ADAMTS20: variants seen among roughly 807,000 people sequenced by gnomAD.
ADAMTS20 encodes the protein A disintegrin and metalloproteinase with thrombospondin motifs 20.
ADAMTS20 carries 225 observed loss-of-function variants against 260.1 expected under a neutral mutation model. That is an observed-to-expected ratio of 0.87 (90% CI 0.78 to 0.97). ADAMTS20 has a LOEUF of 0.97. Ranked by LOEUF, ADAMTS20 falls within the 50% of genes least tolerant of loss-of-function variation. The pLI is 0.00. For synonymous variants in ADAMTS20, 802 were observed against 769.5 expected (o/e 1.04, Z -0.70); for missense variants, 2,400 against 2,337.7 (o/e 1.03, Z -0.55).
intron 7 of ADAMTS20, among the ~76,000 whole-genome samples, chr12:43,479,191 CTAT>C (rs1282510067): frequency 6.6e-6 from 1 of 152,160 alleles, no homozygotes; most frequent in Non-Finnish European, 1.5e-5. Context: ...GTAAAAGGTT[CTAT>C]TCACTAAACT....
At position 43,474,408 on chromosome 12, in the gene ADAMTS20, G is replaced by C. The variant is rs1942316242; in HGVS notation, c.1118-5703C>G. Among the ~76,000 whole-genome samples the C allele has an allele frequency of 2.7e-5, 4 of 150,868 alleles. 1 individual carries two copies. In the South Asian group the frequency reaches 8.4e-4, roughly 32 times the overall value. On this transcript the variant is annotated intron_variant, in intron 7 of 38. Coordinates refer to ENST00000389420, the MANE Select transcript of ADAMTS20 (RefSeq NM_025003.5). ...GATTCACAGCCGAATTCTACCAAAG[G>C]TACAAGGAGGAACTGGTACCATTCC...
chr12:43,393,842 G>T (rs1359577009), intron 29 of ADAMTS20, among the ~76,000 whole-genome samples: 1 of 152,008 alleles, frequency 6.6e-6, no homozygotes, highest in Non-Finnish European at 1.5e-5. Flanking sequence ...AATAATGAAT[G>T]AGTGACCATA....
intron 28 of ADAMTS20, among the ~76,000 whole-genome samples, chr12:43,401,504 C>G (rs113082070): frequency 1.3e-5 from 2 of 151,774 alleles, no homozygotes; most frequent in African/African-American, 4.8e-5. Flanking sequence ...GGAATATAAA[C>G]TCACACATGT....
chr12:43,416,321 T>C (rs997969019), intron 28 of ADAMTS20, among the ~76,000 whole-genome samples: 4 of 151,364 alleles, frequency 2.6e-5, no homozygotes, highest in Admixed American at 6.6e-5. Context: ...CCACTAATCT[T>C]CTCAAGACAC....
intron 31 of ADAMTS20, among the ~76,000 whole-genome samples, chr12:43,381,503 C>T (rs1244629569): frequency 1.3e-5 from 2 of 151,708 alleles, no homozygotes; most frequent in Non-Finnish European, 2.9e-5. Flanking sequence ...AAATGAGCAG[C>T]CAGGCATGGT....
intron 2 of ADAMTS20, among the ~76,000 whole-genome samples, chr12:43,534,639 A>G (rs1455309272): frequency 6.6e-6 from 1 of 152,192 alleles, no homozygotes; most frequent in Non-Finnish European, 1.5e-5. Context: ...CCTTGAGGTT[A>G]TAAACAAACA....
At chr12:43,548,181 A>C (rs1487965158) in intron 2 of ADAMTS20, among the ~76,000 whole-genome samples, 1 of 152,208 alleles carries the variant, frequency 6.6e-6, no homozygotes, top group Non-Finnish European at 1.5e-5. Context: ...AAGCAAAACT[A>C]AAGTAAAGCA....
chr12:43,391,674 T>C (rs1369041382), intron 29 of ADAMTS20, among the ~76,000 whole-genome samples: 2 of 152,134 alleles, frequency 1.3e-5, no homozygotes, highest in East Asian at 1.9e-4. Context: ...ACTGTAATAT[T>C]ATAAGGGGGA....
At chr12:43,463,432 G>T (rs927460561) in intron 10 of ADAMTS20, among the ~76,000 whole-genome samples, 4 of 152,014 alleles carry the variant, frequency 2.6e-5, no homozygotes, top group Non-Finnish European at 5.9e-5. Flanking sequence ...TTCCTATTTT[G>T]TGAATATAAT....
chr12:43,358,836 CAA>C (rs151206551), intron 37 of ADAMTS20, among the ~76,000 whole-genome samples: 5 of 61,224 alleles, frequency 8.2e-5, no homozygotes, highest in East Asian at 5.3e-4. Context: ...AACTCCGTCT[CAA>C]AAAAAAAAAA....
intron 31 of ADAMTS20, among the ~76,000 whole-genome samples, chr12:43,382,602 A>C (rs1940378067): frequency 6.6e-6 from 1 of 152,154 alleles, no homozygotes; most frequent in African/African-American, 2.4e-5. Flanking sequence ...AAATTCGCTA[A>C]ATTATAAACA....
rs182130307 is a variant in ADAMTS20, at chr12:43,527,865, G to A, written c.613+4171C>T. ...CAATCAGGCAAGAGAAAGAAATAAA[G>A]GGCATCCAAATTGGAAAAGAGGAAG... On this transcript the variant is annotated intron_variant, in intron 3 of 38. Transcript: ENST00000389420. Among the ~76,000 whole-genome samples, 128 of 152,020 alleles carry A rather than the reference G, an allele frequency of 8.4e-4. 1 individual carries two copies. The highest frequency in any genetic ancestry group is 9.2e-4 in the Admixed American group (14 of 15,276).
intron 2 of ADAMTS20, among the ~76,000 whole-genome samples, chr12:43,548,954 C>G (rs275632): frequency 0.94 from 142,876 of 152,020 alleles, 67,559 homozygotes; most frequent in East Asian, 0.99. Flanking sequence ...ACTTGCCATT[C>G]AAAGTATGAC....
At chr12:43,400,653 T>C (rs1032759349) in intron 28 of ADAMTS20, among the ~76,000 whole-genome samples, 3 of 151,872 alleles carry the variant, frequency 2.0e-5, no homozygotes, top group Non-Finnish European at 4.4e-5. Context: ...TCTTGGGCAC[T>C]TACCCTGCCT....
chr12:43,484,179 GT>G lies in ADAMTS20; in HGVS notation c.1117+6215del, dbSNP rs1335332392. ...AAAATGAAATTCTTAAAAAAACCCA[GT>G]TGAATCAAAAATAAATACAAAAATA... On this transcript the variant is annotated intron_variant, in intron 7 of 38. Coordinates refer to ENST00000389420, the MANE Select transcript of ADAMTS20 (RefSeq NM_025003.5). Among the ~76,000 whole-genome samples, 33 of 152,220 alleles carry G rather than the reference GT, an allele frequency of 2.2e-4. 1 individual carries two copies. Among genetic ancestry groups the G allele is most frequent in the African/African-American group, 7.9e-4 (33 of 41,542 alleles).
intron 11 of ADAMTS20, among the ~76,000 whole-genome samples, chr12:43,457,723 A>G (rs910806086): frequency 1.1e-4 from 17 of 152,178 alleles, no homozygotes; most frequent in African/African-American, 4.1e-4. Flanking sequence ...TTGACCTTTC[A>G]TTATCTCACT....
intron 28 of ADAMTS20, among the ~76,000 whole-genome samples, chr12:43,415,890 C>T (rs1270312726): frequency 6.6e-6 from 1 of 152,150 alleles, no homozygotes; most frequent in Non-Finnish European, 1.5e-5. Flanking sequence ...TCTTGTTATG[C>T]ATCATCAGAT....
chr12:43,357,149 G>C (rs1939764148), intron 37 of ADAMTS20, among the ~76,000 whole-genome samples: 1 of 152,052 alleles, frequency 6.6e-6, no homozygotes, highest in African/African-American at 2.4e-5. Context: ...GACTATCTTT[G>C]TTAACAGTTA....
chr12:43,522,356 G>A (rs1024265707), intron 3 of ADAMTS20, among the ~76,000 whole-genome samples: 1 of 152,202 alleles, frequency 6.6e-6, no homozygotes, highest in Non-Finnish European at 1.5e-5. Context: ...GACACATAGG[G>A]ATTATGGGGA....
Sources: gnomAD v4.1 joint callset for allele counts (sites outside exome capture counted in the v4.1 genomes callset) on GRCh38, gnomAD v4.1.1 for gene constraint, MANE v1.5 for transcripts, NCBI Gene and HGNC (gene_info 2026-07-23, HGNC 2026-07-21) for gene names.